Variants in ROR1 observed in about 807,000 individuals in gnomAD.
ROR1 encodes inactive tyrosine-protein kinase transmembrane receptor ROR1.
Under a neutral mutation model 78.8 loss-of-function variants are expected in ROR1, and 19 were observed. The observed-to-expected ratio is 0.24, with a 90% CI of 0.17 to 0.35. The LOEUF is 0.35. ROR1 is among the 10% of genes least tolerant of loss of function. The probability of loss-of-function intolerance (pLI) is 1.00; values close to 1 mark genes in which losing one functional copy is unlikely to be tolerated. For missense variants in ROR1, 917 were observed against 1,177.8 expected (o/e 0.78, Z 3.24); for synonymous variants, 386 against 433.6 (o/e 0.89, Z 1.36).
chr1:63,885,147 A>G (rs1199781867), intron 1 of ROR1, among the ~76,000 whole-genome samples: 1 of 152,200 alleles, frequency 6.6e-6, no homozygotes, highest in African/African-American at 2.4e-5. Context: ...CATTATTATT[A>G]TTATTTCAAG....
At chr1:64,000,217 A>G (rs950588397) in intron 1 of ROR1, among the ~76,000 whole-genome samples, 12 of 152,136 alleles carry the variant, frequency 7.9e-5, no homozygotes, top group African/African-American at 2.9e-4. Context: ...TAGGAAAAAA[A>G]GAGTAAAGTT....
At chr1:63,818,591 T>C (rs1430008501) in intron 1 of ROR1, among the ~76,000 whole-genome samples, 3 of 152,222 alleles carry the variant, frequency 2.0e-5, no homozygotes, top group Admixed American at 2.0e-4. Context: ...AGAGGGAAAG[T>C]ACAGTGCTTA....
intron 1 of ROR1, among the ~76,000 whole-genome samples, chr1:63,866,945 A>T (rs1233068150): frequency 2.6e-5 from 4 of 152,160 alleles, no homozygotes; most frequent in Non-Finnish European, 1.5e-5. Flanking sequence ...AGATTAATTG[A>T]GGATGAAATC....
chr1:63,912,383 T>G (rs1272421850), intron 1 of ROR1, among the ~76,000 whole-genome samples: 1 of 151,980 alleles, frequency 6.6e-6, no homozygotes, highest in African/African-American at 2.4e-5. Flanking sequence ...AGATAAAGTT[T>G]ATTATAATGC....
intron 4 of ROR1, among the ~76,000 whole-genome samples, chr1:64,090,132 T>C (rs1048207959): frequency 2.6e-5 from 4 of 152,178 alleles, no homozygotes; most frequent in African/African-American, 9.6e-5. Flanking sequence ...TGTGTCTTTA[T>C]TAGCAGCATG....
At chr1:63,846,691 C>A (rs532397240) in intron 1 of ROR1, among the ~76,000 whole-genome samples, 2 of 152,118 alleles carry the variant, frequency 1.3e-5, no homozygotes, top group Non-Finnish European at 2.9e-5. Flanking sequence ...TCTGCAACTG[C>A]GCGGCTTGAT....
chr1:64,047,541 C>T (rs762449258), intron 2 of ROR1, among the ~76,000 whole-genome samples: 40 of 152,286 alleles, frequency 2.6e-4, no homozygotes, highest in Non-Finnish European at 4.7e-4. Context: ...CAGTATTAAT[C>T]ACTATGCTTA....
chr1:63,922,569 T>C (rs1463259960), intron 1 of ROR1, among the ~76,000 whole-genome samples: 1 of 152,188 alleles, frequency 6.6e-6, no homozygotes, highest in Admixed American at 6.6e-5. Context: ...CAGAATTCTT[T>C]GAATTCTTAA....
At chr1:64,046,300 T>TAA (rs1460726071) in intron 2 of ROR1, among the ~76,000 whole-genome samples, 1 of 151,754 alleles carries the variant, frequency 6.6e-6, no homozygotes, top group Non-Finnish European at 1.5e-5. Context: ...GTTCTCGTTC[T>TAA]GCTTACTAAG....
chr1:63,994,940 T>C (rs1309187892), intron 1 of ROR1, among the ~76,000 whole-genome samples: 1 of 152,228 alleles, frequency 6.6e-6, no homozygotes, highest in Non-Finnish European at 1.5e-5. Context: ...GAAATGCTGA[T>C]AGCTGTGGGA....
At chr1:63,948,093 C>G (rs747963509) in intron 1 of ROR1, among the ~76,000 whole-genome samples, 1 of 152,138 alleles carries the variant, frequency 6.6e-6, no homozygotes, top group South Asian at 2.1e-4. Flanking sequence ...CAAGGTCACA[C>G]AGGTAGTAAG....
chr1:63,833,536 CG>C (rs1424455804), intron 1 of ROR1, among the ~76,000 whole-genome samples: 2 of 152,140 alleles, frequency 1.3e-5, no homozygotes, highest in African/African-American at 2.4e-5. Context: ...CTGGCTAGCT[CG>C]GGGACGAGCC....
At chr1:64,162,986 G>A (rs1256314623) in intron 8 of ROR1, among the ~76,000 whole-genome samples, 1 of 152,138 alleles carries the variant, frequency 6.6e-6, no homozygotes, top group African/African-American at 2.4e-5. Flanking sequence ...TGTGGGAGCA[G>A]GGAGGGGGCA....
chr1:64,003,972 G>A (rs1449375326), intron 1 of ROR1, among the ~76,000 whole-genome samples: 1 of 152,204 alleles, frequency 6.6e-6, no homozygotes, highest in Non-Finnish European at 1.5e-5. Flanking sequence ...GGAAGAAAGT[G>A]TGCCCCTTCT....
At chr1:64,117,500 A>G (rs745559595) in intron 4 of ROR1, among the ~76,000 whole-genome samples, 1 of 152,154 alleles carries the variant, frequency 6.6e-6, no homozygotes, top group Non-Finnish European at 1.5e-5. Context: ...ACTCTAGCTT[A>G]TGTAAGAAGT....
At chr1:64,055,797 C>T (rs1353386928) in intron 4 of ROR1, among the ~76,000 whole-genome samples, 2 of 152,180 alleles carry the variant, frequency 1.3e-5, no homozygotes, top group Non-Finnish European at 2.9e-5. Flanking sequence ...TTTTGCAACT[C>T]TCACTACTAT....
intron 2 of ROR1, among the ~76,000 whole-genome samples, chr1:64,032,866 T>TA (rs1557618681): frequency 1.3e-5 from 2 of 152,172 alleles, no homozygotes; most frequent in Non-Finnish European, 2.9e-5. Context: ...AGACTTTTTT[T>TA]AAAAAACAAT....
intron 4 of ROR1, among the ~76,000 whole-genome samples, chr1:64,093,811 T>C (rs1267957984): frequency 2.6e-5 from 4 of 152,182 alleles, no homozygotes; most frequent in Non-Finnish European, 5.9e-5. Context: ...TCTAATTTAT[T>C]ATGCCACTTC....
At chr1:64,010,794 T>C (rs1413808046) in intron 2 of ROR1, among the ~76,000 whole-genome samples, 4 of 152,180 alleles carry the variant, frequency 2.6e-5, no homozygotes, top group African/African-American at 9.7e-5. Flanking sequence ...TGAGATCTGA[T>C]GGTTTTATAA....
Sources: gnomAD v4.1 joint callset for allele counts (sites outside exome capture counted in the v4.1 genomes callset) on GRCh38, gnomAD v4.1.1 for gene constraint, MANE v1.5 for transcripts, NCBI Gene and HGNC (gene_info 2026-07-23, HGNC 2026-07-21) for gene names.